RBM19: variants seen among roughly 807,000 people sequenced by gnomAD.
RBM19 encodes the protein RNA binding motif protein 19.
A neutral mutation model predicts 116.8 loss-of-function variants in RBM19; 94 were observed. The observed-to-expected ratio is 0.80, with a 90% CI of 0.68 to 0.95. The LOEUF (loss-of-function observed/expected upper bound fraction) is 0.95. Among genes scored for constraint, RBM19 ranks in the 40% least tolerant of loss-of-function variants. The probability of loss-of-function intolerance (pLI) is 0.00; values close to 1 mark genes in which losing one functional copy is unlikely to be tolerated. For missense variants in RBM19, 1,161 were observed against 1,220.7 expected, an observed-to-expected ratio of 0.95 and a Z score of 0.73; for synonymous variants, 475 against 494.1, an observed-to-expected ratio of 0.96 and a Z score of 0.51.
chr12:113,941,592 T>TCCATCATCTGTATTCATCCA (rs1870576442), intron 14 of RBM19, among the ~76,000 whole-genome samples: 3 of 138,224 alleles, frequency 2.2e-5, no homozygotes, highest in African/African-American at 7.7e-5. Context: ...CCACCATCCA[T>TCCATCATCTGTATTCATCCA]CCATCCATCC....
chr12:113,958,123 T>A (rs1872137781), intron 5 of RBM19, 73 bp from the exon 6 acceptor site: 1 of 1,536,224 alleles, frequency 6.5e-7, no homozygotes. Context: ...AAATGGTAGA[T>A]GGTCCTCCTA....
chr12:113,952,625 C>T, intron 7 of RBM19, 35 bp from the exon 8 acceptor site: 1 of 1,563,608 alleles, frequency 6.4e-7, no homozygotes, highest in African/African-American at 1.4e-5. Context: ...TTACCAACCA[C>T]ATAATAAAAG....
At chr12:113,961,884 T>C (rs545388989) in intron 2 of RBM19, among the ~76,000 whole-genome samples, 25 of 152,288 alleles carry the variant, frequency 1.6e-4, no homozygotes, top group African/African-American at 2.9e-4. Context: ...CCCAGCATCA[T>C]TGAGTGCTTG....
chr12:113,872,662 C>T (rs1593514711), intron 21 of RBM19, among the ~76,000 whole-genome samples: 1 of 25,418 alleles, frequency 3.9e-5, no homozygotes, highest in East Asian at 1.5e-3. Flanking sequence ...AGTGAGGAGC[C>T]CCTCTGCCCG....
rs554214420 is a variant in RBM19 at position 113,917,690 on chromosome 12, G to A, written c.2441+702C>T. On this transcript the variant is annotated intron_variant, in intron 20 of 23. Transcript: ENST00000261741. ...AATAAATATCTGAAACCAGCTCTAG[G>A]GCTGTTAGAGGCATTCATTTTATCA... Among the ~76,000 whole-genome samples, 3 of 152,314 alleles carry A rather than the reference G, an allele frequency of 2.0e-5. No homozygotes were observed. In the South Asian group the frequency reaches 6.2e-4, roughly 32 times the overall value.
chr12:113,957,650 A>G (rs1872066961), intron 6 of RBM19, 132 bp downstream of exon 6: 2 of 1,312,996 alleles, frequency 1.5e-6, no homozygotes, highest in South Asian at 5.9e-5. Flanking sequence ...CAGGGCCAAG[A>G]TCGGGAAGGC....
intron 22 of RBM19, among the ~76,000 whole-genome samples, chr12:113,846,924 G>A (rs1877034570): frequency 6.6e-6 from 1 of 152,072 alleles, no homozygotes; most frequent in Admixed American, 6.6e-5. Flanking sequence ...CATTGCCCAG[G>A]CTGGTCTTGA....
chr12:113,919,653 C>T (rs899402086), intron 19 of RBM19, among the ~76,000 whole-genome samples: 6 of 152,304 alleles, frequency 3.9e-5, no homozygotes, highest in Non-Finnish European at 7.4e-5. Flanking sequence ...TCTCCACAGC[C>T]CTAACTCCCC....
intron 21 of RBM19, among the ~76,000 whole-genome samples, chr12:113,861,063 G>T (rs1878323392): frequency 6.6e-6 from 1 of 152,208 alleles, no homozygotes; most frequent in Non-Finnish European, 1.5e-5. Context: ...AGAAACCAAG[G>T]CTCTGGGAGC....
intron 22 of RBM19, among the ~76,000 whole-genome samples, chr12:113,853,255 G>T (rs1023138814): frequency 9.2e-5 from 14 of 152,240 alleles, no homozygotes; most frequent in African/African-American, 3.4e-4. Context: ...ACCCTACAAT[G>T]AAAGCTGTGG....
intron 9 of RBM19, 125 bp downstream of exon 9, chr12:113,949,958 C>T: frequency 1.1e-6 from 1 of 874,688 alleles, no homozygotes; most frequent in Non-Finnish European, 1.8e-6. Context: ...GTGCCTAGAA[C>T]AGTGTCTGCA....
chr12:113,910,672 A>T (rs1882371060), intron 21 of RBM19, among the ~76,000 whole-genome samples: 1 of 152,228 alleles, frequency 6.6e-6, no homozygotes, highest in Non-Finnish European at 1.5e-5. Flanking sequence ...GTTTAACAAC[A>T]GTCTTACCAT....
intron 23 of RBM19, among the ~76,000 whole-genome samples, chr12:113,824,059 C>T (rs1159231552): frequency 6.6e-6 from 1 of 152,168 alleles, no homozygotes. Flanking sequence ...AGAGGGGATT[C>T]AGGGTCATGA....
intron 21 of RBM19, among the ~76,000 whole-genome samples, chr12:113,871,923 T>C (rs1222861300): frequency 6.6e-6 from 1 of 151,802 alleles, no homozygotes; most frequent in African/African-American, 2.4e-5. Context: ...AGTGCCGAGA[T>C]TGCAGCCTCT....
chr12:113,883,589 A>G (rs1880297951), intron 21 of RBM19, among the ~76,000 whole-genome samples: 1 of 152,286 alleles, frequency 6.6e-6, no homozygotes, highest in African/African-American at 2.4e-5. Context: ...TGATTCCACA[A>G]TAGTGCCTAC....
intron 21 of RBM19, among the ~76,000 whole-genome samples, chr12:113,879,084 C>T (rs1879892914): frequency 6.6e-6 from 1 of 152,142 alleles, no homozygotes; most frequent in Non-Finnish European, 1.5e-5. Context: ...TTCCCCGTCC[C>T]CGCCAGCGTT....
At chr12:113,853,237 C>G (rs1565975659) in intron 22 of RBM19, among the ~76,000 whole-genome samples, 1 of 152,226 alleles carries the variant, frequency 6.6e-6, no homozygotes, top group Non-Finnish European at 1.5e-5. Context: ...GAGACATTAA[C>G]TGGTGCGACC....
Position 113,957,779 on chromosome 12 carries a change from C to T in RBM19, c.840+3G>A. Reference sequence around the variant, plus strand: ...CCTCATCACCTGCGGGATACACACGCACCTCGGCTCTGGCCTCCGGTGGTC... The same window carrying T: ...CCTCATCACCTGCGGGATACACACGTACCTCGGCTCTGGCCTCCGGTGGTC... On this transcript the variant is annotated splice_donor_region_variant and intron_variant, in intron 6 of 23. Transcript: ENST00000261741. The T allele has an allele frequency of 6.3e-7, 1 of 1,576,916 alleles. No homozygotes were observed. Among genetic ancestry groups the T allele is most frequent in the Non-Finnish European group, 8.6e-7 (1 of 1,160,402 alleles).
chr12:113,844,905 G>A lies in RBM19; in HGVS notation c.2665-117C>T, dbSNP rs145141920. ...ATGCCAAAGCCCAGGTTCTGGCCCC[G>A]TGACATCTGATCTCCAGCGAGGGTT... On this transcript the variant is annotated intron_variant, in intron 22 of 23. Coordinates refer to ENST00000261741, the MANE Select transcript of RBM19 (RefSeq NM_016196.4). The A allele has an allele frequency of 2.4e-4, 330 of 1,376,366 alleles. 1 individual carries two copies. The African/African-American group carries it at 3.8e-3, about 16-fold the overall frequency. The allele number at this position is 1,376,366 out of a possible 1,614,324, so 85.3% of individuals were successfully genotyped here.
Sources: gnomAD v4.1 joint callset for allele counts (sites outside exome capture counted in the v4.1 genomes callset) on GRCh38, gnomAD v4.1.1 for gene constraint, MANE v1.5 for transcripts, NCBI Gene and HGNC (gene_info 2026-07-23, HGNC 2026-07-21) for gene names.